Variants in HIRA observed in about 807,000 individuals in gnomAD.
HIRA encodes protein HIRA.
In HIRA, 13 loss-of-function variants were observed where a neutral mutation model predicts 126.6. That is an observed-to-expected ratio of 0.10 (90% CI 0.07 to 0.16). HIRA has a LOEUF of 0.16. Among genes scored for constraint, HIRA ranks in the 10% least tolerant of loss-of-function variants. The probability of loss-of-function intolerance (pLI) is 1.00; values close to 1 mark genes in which losing one functional copy is unlikely to be tolerated. For synonymous variants in HIRA, 511 were observed against 520.0 expected, an observed-to-expected ratio of 0.98 and a Z score of 0.24; for missense variants, 834 against 1,314.4, an observed-to-expected ratio of 0.63 and a Z score of 5.65.
chr22:19,430,286 A>G (rs2089521383), intron 1 of HIRA: 1 of 152,246 alleles, frequency 6.6e-6, no homozygotes, highest in African/African-American at 2.4e-5. Flanking sequence ...ACAGTTTCAA[A>G]AGAAACACGT....
intron 24 of HIRA, among the ~76,000 whole-genome samples, chr22:19,347,646 T>C (rs570273240): frequency 3.3e-5 from 5 of 152,124 alleles, no homozygotes; most frequent in Non-Finnish European, 5.9e-5. Flanking sequence ...TCTACCAAAC[T>C]TGAGGGCCTG....
chr22:19,351,201 G>A lies in HIRA; in HGVS notation c.2937+157C>T, dbSNP rs911827273. 2.5e-5 allele frequency: 25 copies of A among 985,246 alleles called. No individual in the cohort carries two copies. Among genetic ancestry groups the A allele is most frequent in the East Asian group, 1.1e-4 (1 of 8,794 alleles). The allele number at this position is 985,246 out of a possible 1,614,324, so 61.0% of individuals were successfully genotyped here. The stretch of plus-strand genomic sequence containing the variant: ...AGCTCCTGCCAGGTTGTGGAGGGCC[G>A]TCGGCATGTCACCCTCTCACTGATG... On this transcript the variant is annotated intron_variant, in intron 24 of 24. Transcript: ENST00000263208. This position sits in a 1 kb window ranked among gnomAD's most constrained non-coding sequence, Gnocchi z 4.8.
At chr22:19,409,509 C>T (rs2089334641) in intron 2 of HIRA, among the ~76,000 whole-genome samples, 1 of 152,152 alleles carries the variant, frequency 6.6e-6, no homozygotes, top group Admixed American at 6.5e-5. Context: ...ATTCGAACTC[C>T]TGACCTCAGA....
intron 1 of HIRA, among the ~76,000 whole-genome samples, chr22:19,413,713 G>A (rs1279965697): frequency 6.6e-6 from 1 of 151,970 alleles, no homozygotes; most frequent in East Asian, 1.9e-4. Flanking sequence ...CCAGGTTCAC[G>A]CCATTCTCCT....
chr22:19,402,238 A>C (rs917718846), intron 5 of HIRA, among the ~76,000 whole-genome samples: 5 of 152,262 alleles, frequency 3.3e-5, no homozygotes, highest in Admixed American at 1.3e-4. Flanking sequence ...GCAGGCACTC[A>C]ATAAATGTTT....
chr22:19,405,951 C>T (rs1569309283), intron 4 of HIRA, 71 bp from the exon 5 acceptor site: 1 of 1,016,282 alleles, frequency 9.8e-7, no homozygotes, highest in Non-Finnish European at 1.3e-6. Context: ...CTCCCTGCAG[C>T]CAGCTTATCA....
intron 1 of HIRA, among the ~76,000 whole-genome samples, chr22:19,425,011 A>G (rs1224846592): frequency 3.3e-5 from 5 of 152,098 alleles, no homozygotes; most frequent in East Asian, 1.9e-4. Context: ...CTCTTATTTA[A>G]TTCCCTAGGA....
intron 21 of HIRA, among the ~76,000 whole-genome samples, chr22:19,355,277 G>C (rs782199503): frequency 3.9e-5 from 6 of 152,086 alleles, no homozygotes; most frequent in Non-Finnish European, 8.8e-5. Context: ...AAATTATTTT[G>C]CAAGTACAAA....
chr22:19,385,998 C>T, intron 11 of HIRA, among the ~76,000 whole-genome samples: 1 of 152,218 alleles, frequency 6.6e-6, no homozygotes, highest in Non-Finnish European at 1.5e-5. Flanking sequence ...AACAAGACAA[C>T]ACCTGCCCCA....
intron 15 of HIRA, 119 bp from the exon 16 acceptor site, chr22:19,362,050 G>A (rs1414933964): frequency 5.6e-6 from 5 of 891,706 alleles, no homozygotes; most frequent in Non-Finnish European, 6.8e-6. Flanking sequence ...TGTGTCCAGT[G>A]AAATTATGCC....
At chr22:19,422,215 T>C (rs1330336544) in intron 1 of HIRA, among the ~76,000 whole-genome samples, 16 of 134,686 alleles carry the variant, frequency 1.2e-4, no homozygotes, top group Admixed American at 9.2e-4. Context: ...TATATATACA[T>C]ATATATATTA....
At chr22:19,398,451 G>A (rs574625231) in intron 5 of HIRA, among the ~76,000 whole-genome samples, 2 of 152,170 alleles carry the variant, frequency 1.3e-5, no homozygotes, top group African/African-American at 4.8e-5. Flanking sequence ...AGAGCCTTCT[G>A]AGCATGAGAC....
rs781855240 is a variant in HIRA at position 19,331,479 on chromosome 22, G to A, written c.3015C>T (p.Thr1005=). ...GQNLRFQRLF[T]ECQEQLDILR... is the part of the protein sequence containing the mutation. Reference sequence around the variant, plus strand: ...GGATGTCGAGCTGTTCCTGACACTCGGTGAAGAGGCGCTGGAATCGGAGGT... The same window carrying A: ...GGATGTCGAGCTGTTCCTGACACTCAGTGAAGAGGCGCTGGAATCGGAGGT... The change falls in exon 25 of 25, where the codon ACC becomes ACT. Residue 1005 remains threonine (T), a synonymous_variant. Transcript: ENST00000263208. 31 of 1,613,962 alleles carry A rather than the reference G, an allele frequency of 1.9e-5. No individual in the cohort carries two copies. Among genetic ancestry groups the A allele is most frequent in the Non-Finnish European group, 2.5e-5 (29 of 1,179,984 alleles).
intron 18 of HIRA, among the ~76,000 whole-genome samples, chr22:19,357,376 T>A (rs953232587): frequency 7.2e-5 from 11 of 152,186 alleles, no homozygotes; most frequent in African/African-American, 2.2e-4. Flanking sequence ...GCCTTGCTCA[T>A]CAGATAAGGC....
chr22:19,412,912 T>C (rs781208216), intron 1 of HIRA, among the ~76,000 whole-genome samples: 13 of 152,164 alleles, frequency 8.5e-5, no homozygotes, highest in Non-Finnish European at 1.3e-4. Context: ...TAGTAAGATG[T>C]CCACTGATGG....
intron 16 of HIRA, 94 bp from the exon 17 acceptor site, chr22:19,361,435 G>A: frequency 3.8e-6 from 4 of 1,057,808 alleles, no homozygotes; most frequent in Admixed American, 1.8e-5. Flanking sequence ...CTGAGCCTGC[G>A]ACCAGAGCAT....
intron 5 of HIRA, among the ~76,000 whole-genome samples, chr22:19,399,590 TAG>T (rs1160963832): frequency 6.6e-6 from 1 of 152,154 alleles, no homozygotes; most frequent in Non-Finnish European, 1.5e-5. Flanking sequence ...ACGCATACCC[TAG>T]AGTGGGAATC....
At chr22:19,343,474 G>A (rs190761686) in intron 24 of HIRA, among the ~76,000 whole-genome samples, 16 of 152,264 alleles carry the variant, frequency 1.1e-4, no homozygotes, top group African/African-American at 1.9e-4. Flanking sequence ...GAGGTGGGAG[G>A]CCCACTTGAG....
chr22:19,431,276 C>T (rs1305073917), intron 1 of HIRA, among the ~76,000 whole-genome samples, 164 bp downstream of exon 1: 1 of 152,144 alleles, frequency 6.6e-6, no homozygotes, highest in Non-Finnish European at 1.5e-5. Context: ...GCTCACCAGC[C>T]TCTCCGCGCT....
Sources: allele counts gnomAD v4.1 joint callset (sites outside exome capture counted in the v4.1 genomes callset), GRCh38; gene constraint gnomAD v4.1.1; non-coding constraint Gnocchi (gnomAD v3.1); transcripts MANE v1.5; gene names NCBI Gene and HGNC (gene_info 2026-07-23, HGNC 2026-07-21).